Variants in CTTNBP2 observed in about 807,000 individuals in gnomAD.
CTTNBP2 encodes cortactin-binding protein 2.
In CTTNBP2, 108 loss-of-function variants were observed where a neutral mutation model predicts 156.9. The observed-to-expected ratio is 0.69, with a 90% CI of 0.59 to 0.81. CTTNBP2 has a LOEUF of 0.81. Among genes scored for constraint, CTTNBP2 ranks in the 30% least tolerant of loss-of-function variants. The pLI is 0.00. For synonymous variants in CTTNBP2, 767 were observed against 751.8 expected, an observed-to-expected ratio of 1.02 and a Z score of -0.33; for missense variants, 1,924 against 2,035.4, an observed-to-expected ratio of 0.95 and a Z score of 1.05.
At chr7:117,804,745 G>C (rs774583159) in intron 3 of CTTNBP2, among the ~76,000 whole-genome samples, 1 of 152,164 alleles carries the variant, frequency 6.6e-6, no homozygotes, top group Non-Finnish European at 1.5e-5. Context: ...ACAGGGAGGG[G>C]CACAACACAC....
chr7:117,743,475 A>T (rs1219310722), intron 14 of CTTNBP2, among the ~76,000 whole-genome samples: 1 of 152,020 alleles, frequency 6.6e-6, no homozygotes, highest in Non-Finnish European at 1.5e-5. Context: ...AGGACACTTA[A>T]CCCTTTATTT....
intron 2 of CTTNBP2, among the ~76,000 whole-genome samples, chr7:117,843,113 CA>C (rs1802372685): frequency 6.6e-6 from 1 of 152,140 alleles, no homozygotes; most frequent in South Asian, 2.1e-4. Context: ...ATTCCCTAAA[CA>C]ATACAGTATA....
intron 2 of CTTNBP2, among the ~76,000 whole-genome samples, chr7:117,860,665 A>G (rs184539192): frequency 6.4e-4 from 97 of 152,318 alleles, no homozygotes; most frequent in Non-Finnish European, 1.3e-4. Context: ...TTTAAGTAAT[A>G]TATTCTTTGT....
At chr7:117,727,299 C>T (rs1795145115) in intron 17 of CTTNBP2, among the ~76,000 whole-genome samples, 1 of 152,118 alleles carries the variant, frequency 6.6e-6, no homozygotes, top group Non-Finnish European at 1.5e-5. Context: ...TCAATTGATC[C>T]TCCTGCCTCA....
rs995105236 is a variant in CTTNBP2, at chr7:117,873,368, C to T, written c.48G>A (p.Pro16=). The T allele has an allele frequency of 1.4e-6, 2 of 1,475,274 alleles. No homozygotes were observed. The highest frequency in any genetic ancestry group is 2.9e-5 in the African/African-American group (2 of 68,854). 91.4% of individuals were successfully genotyped at this position (1,475,274 alleles called of 1,614,324 possible). ...CCGCCGCGGCCCCCGCCGCGTCCTC[C>T]GGGGCCCGGGACAAGTCGGGCTCGC... The part of the protein sequence containing the change: ...ASCEPDLSRA[P]EDAAGAAAEA... Residue 16 remains proline (P), a synonymous_variant, in exon 1 of 23, where the codon CCG becomes CCA. Coordinates refer to ENST00000160373, the MANE Select transcript of CTTNBP2 (RefSeq NM_033427.3).
rs760352966 is a variant in CTTNBP2, at chr7:117,728,210, G to A, written c.3934C>T (p.Leu1312=). 1.9e-6 allele frequency: 3 copies of A among 1,614,204 alleles called. No individual in the cohort carries two copies. The highest frequency in any genetic ancestry group is 2.5e-6 in the Non-Finnish European group (3 of 1,180,008). The change falls in exon 17 of 23, where the codon CTG becomes TTG. Residue 1312 remains leucine, a synonymous_variant. Coordinates refer to ENST00000160373, the MANE Select transcript of CTTNBP2 (RefSeq NM_033427.3). The part of the protein sequence containing the change: ...DPVCKIVDWA[L]SVWRQLNSCL... ...GAGTTAAGCTGACGCCAGACGGACA[G>A]AGCCCAGTCGACAATCTTGCACACA...
Position 117,777,513 on chromosome 7 carries a change from T to C in CTTNBP2, c.2776A>G (p.Lys926Glu), listed in dbSNP as rs1396090429. 6.2e-7 allele frequency: 1 copy of C among 1,612,562 alleles called. No individual in the cohort carries two copies. Among genetic ancestry groups the C allele is most frequent in the Non-Finnish European group, 8.5e-7 (1 of 1,179,702 alleles). ...AGGCCAGCTGCTACCAGACACACCTTAAAACCTTTGGAAGCAGCAATGTGG... is the reference window on the plus strand; with the variant it reads ...AGGCCAGCTGCTACCAGACACACCTCAAAACCTTTGGAAGCAGCAATGTGG... ...AAHIAASKGFKNCLEILCRHG... is the reference protein window; with the variant it reads ...AAHIAASKGFENCLEILCRHG... The change falls in exon 8 of 23, where the codon AAG becomes GAG. Residue 926 changes from lysine (K) to glutamate (E), a missense_variant and splice_region_variant. Physicochemically the swap from Lys to Glu is moderately conservative, Grantham distance 56. Coordinates refer to ENST00000160373, the MANE Select transcript of CTTNBP2 (RefSeq NM_033427.3).
rs373775501 is a variant in CTTNBP2 at position 117,743,708 on chromosome 7, G to A, written c.3535+2123C>T. 9.9e-5 allele frequency among the ~76,000 whole-genome samples: 13 copies of A among 131,368 alleles called. No individual in the cohort carries two copies. In the East Asian group the frequency reaches 2.0e-3, roughly 20 times the overall value. 86.2% of individuals were successfully genotyped at this position (131,368 alleles called of 152,430 possible). ...ACCAGCGAGGCAGAGGTTGCAGTGAGCCGAGATCGTGCCACCACACTCCAG... is the reference window on the plus strand; with the variant it reads ...ACCAGCGAGGCAGAGGTTGCAGTGAACCGAGATCGTGCCACCACACTCCAG... On this transcript the variant is annotated intron_variant, in intron 14 of 22. Coordinates refer to ENST00000160373, the MANE Select transcript of CTTNBP2 (RefSeq NM_033427.3).
chr7:117,727,786 C>T (rs546919601), intron 17 of CTTNBP2, among the ~76,000 whole-genome samples: 1 of 152,284 alleles, frequency 6.6e-6, no homozygotes, highest in African/African-American at 2.4e-5. Flanking sequence ...GGTGTGCATA[C>T]AATACTTGAT....
At chr7:117,868,499 T>G (rs1251632514) in intron 1 of CTTNBP2, among the ~76,000 whole-genome samples, 1 of 152,204 alleles carries the variant, frequency 6.6e-6, no homozygotes, top group Non-Finnish European at 1.5e-5. Flanking sequence ...TATCTCCCCC[T>G]ACTCTAAAAT....
chr7:117,766,954 A>G, intron 9 of CTTNBP2, 105 bp downstream of exon 9: 1 of 718,904 alleles, frequency 1.4e-6, no homozygotes, highest in Non-Finnish European at 2.5e-6. Context: ...GGGCTCCAAA[A>G]AGGTTAAAAA....
At chr7:117,748,681 C>T (rs1796468371) in intron 12 of CTTNBP2, among the ~76,000 whole-genome samples, 1 of 152,190 alleles carries the variant, frequency 6.6e-6, no homozygotes, top group South Asian at 2.1e-4. Context: ...TAATCTAAGC[C>T]CAGACTCTAC....
At chr7:117,789,040 A>AT (rs1226552204) in intron 4 of CTTNBP2, among the ~76,000 whole-genome samples, 1 of 152,066 alleles carries the variant, frequency 6.6e-6, no homozygotes, top group African/African-American at 2.4e-5. Flanking sequence ...AGTGAAGGGC[A>AT]TTTTTCAGAG....
chr7:117,715,211 A>G (rs1413754874), intron 22 of CTTNBP2, among the ~76,000 whole-genome samples: 3 of 152,284 alleles, frequency 2.0e-5, no homozygotes, highest in Middle Eastern at 3.4e-3. Context: ...GACTGTGACG[A>G]GAGAAGGTTC....
chr7:117,843,487 C>T (rs756496642), intron 2 of CTTNBP2, among the ~76,000 whole-genome samples: 1 of 152,122 alleles, frequency 6.6e-6, no homozygotes, highest in Non-Finnish European at 1.5e-5. Flanking sequence ...TTTAGGAGAG[C>T]TTTCCAGACA....
intron 12 of CTTNBP2, among the ~76,000 whole-genome samples, chr7:117,752,998 T>C (rs950380912): frequency 6.6e-6 from 1 of 152,184 alleles, no homozygotes; most frequent in Non-Finnish European, 1.5e-5. Context: ...GAGAACATTT[T>C]TGCAATCTAT....
chr7:117,772,008 G>A (rs35690931), intron 8 of CTTNBP2, among the ~76,000 whole-genome samples: 6,565 of 152,220 alleles, frequency 0.043, 455 homozygotes, highest in African/African-American at 0.15. Flanking sequence ...AGCCTAACAC[G>A]CACTAAGGAA....
chr7:117,766,372 C>T (rs1013985559), intron 9 of CTTNBP2, among the ~76,000 whole-genome samples: 5 of 152,108 alleles, frequency 3.3e-5, no homozygotes, highest in African/African-American at 1.2e-4. Flanking sequence ...TGCTTCCTTA[C>T]CATTCTGAAA....
intron 10 of CTTNBP2, 62 bp from the exon 11 acceptor site, chr7:117,758,032 GTAAACA>G: frequency 8.6e-7 from 1 of 1,167,138 alleles, no homozygotes; most frequent in Non-Finnish European, 1.2e-6. Context: ...TCTCACAAGG[GTAAACA>G]TATGCTCTCT....
Sources: allele counts gnomAD v4.1 joint callset (sites outside exome capture counted in the v4.1 genomes callset), GRCh38; gene constraint gnomAD v4.1.1; transcripts MANE v1.5; gene names NCBI Gene and HGNC (gene_info 2026-07-23, HGNC 2026-07-21).